The following DPH6 variants were observed in gnomAD, a reference collection of about 807,000 sequenced individuals.
DPH6 encodes the protein diphthamine biosynthesis 6.
A neutral mutation model predicts 38.2 loss-of-function variants in DPH6; 33 were observed. That is an observed-to-expected ratio of 0.86 (90% CI 0.65 to 1.15). DPH6 has a LOEUF of 1.15. Ranked by LOEUF, DPH6 falls within the 50% of genes most tolerant of loss-of-function variation. DPH6 has a pLI of 0.00. For synonymous variants in DPH6, 108 were observed against 103.0 expected (o/e 1.05, Z -0.30); for missense variants, 325 against 320.0 (o/e 1.02, Z -0.12).
chr15:35,160,627 C>T, the DPH6 span, among the ~76,000 whole-genome samples: 1 of 151,658 alleles, frequency 6.6e-6, no homozygotes, highest in Non-Finnish European at 1.5e-5. Flanking sequence ...TCAAGTAGGC[C>T]CCCGGGTCTA....
intron 3 of DPH6, among the ~76,000 whole-genome samples, chr15:35,483,298 T>C (rs2054352470): frequency 6.6e-6 from 1 of 151,966 alleles, no homozygotes; most frequent in South Asian, 2.1e-4. Flanking sequence ...ACCCCGTCTC[T>C]ACTAAAAATA....
At chr15:35,283,008 TTCTTCC>T (rs1278947550) in intron 3 of DPH6, 10 of 234,858 alleles carry the variant, frequency 4.3e-5, no homozygotes, top group East Asian at 1.1e-4. Flanking sequence ...CATCTTCTTC[TTCTTCC>T]TCTTCCTCTT....
intron 3 of DPH6, among the ~76,000 whole-genome samples, chr15:35,322,671 T>C (rs1320526091): frequency 6.6e-6 from 1 of 152,216 alleles, no homozygotes; most frequent in Non-Finnish European, 1.5e-5. Flanking sequence ...TGAATAATCA[T>C]ATATTTTTAA....
intron 3 of DPH6, among the ~76,000 whole-genome samples, chr15:35,472,584 A>T (rs2054211894): frequency 6.6e-6 from 1 of 152,186 alleles, no homozygotes; most frequent in Middle Eastern, 3.2e-3. Flanking sequence ...GCAAGGGGCT[A>T]ACAATGAGTA....
At chr15:35,526,357 T>C (rs2141247402) in intron 3 of DPH6, among the ~76,000 whole-genome samples, 1 of 152,278 alleles carries the variant, frequency 6.6e-6, no homozygotes. Flanking sequence ...CCTTTTCTGA[T>C]TGTCAATGTC....
At chr15:35,260,341 C>T (rs2051738148) in intron 3 of DPH6, among the ~76,000 whole-genome samples, 1 of 152,022 alleles carries the variant, frequency 6.6e-6, no homozygotes, top group African/African-American at 2.4e-5. Context: ...CTCCTGACCT[C>T]GTGATCCACC....
At chr15:35,340,191 G>T (rs1265504060) in intron 3 of DPH6, among the ~76,000 whole-genome samples, 1 of 152,092 alleles carries the variant, frequency 6.6e-6, no homozygotes, top group Non-Finnish European at 1.5e-5. Flanking sequence ...TAGAAACTAG[G>T]ATTGCAACCC....
chr15:35,435,785 T>C (rs1179274385), intron 5 of DPH6, among the ~76,000 whole-genome samples: 1 of 151,638 alleles, frequency 6.6e-6, no homozygotes, highest in East Asian at 1.9e-4. Context: ...GAGGGGTGAG[T>C]AAAATGTGGA....
At chr15:35,158,622 G>A in the DPH6 span, among the ~76,000 whole-genome samples, 3 of 151,900 alleles carry the variant, frequency 2.0e-5, no homozygotes, top group Non-Finnish European at 4.4e-5. Context: ...TAAATAAGTG[G>A]GAGATAGAAC....
At chr15:35,535,127 T>A (rs1394430699) in intron 3 of DPH6, among the ~76,000 whole-genome samples, 1 of 152,136 alleles carries the variant, frequency 6.6e-6, no homozygotes, top group Non-Finnish European at 1.5e-5. Context: ...AGGGAAGCGA[T>A]GCAGGAGAAA....
At chr15:35,463,945 G>C (rs548509269) in intron 3 of DPH6, among the ~76,000 whole-genome samples, 1 of 152,266 alleles carries the variant, frequency 6.6e-6, no homozygotes, top group Non-Finnish European at 1.5e-5. Context: ...CACAGTCGAT[G>C]TTCTTAAAAA....
chr15:35,255,407 A>G (rs1348715398), intron 3 of DPH6, among the ~76,000 whole-genome samples: 1 of 152,204 alleles, frequency 6.6e-6, no homozygotes, highest in Non-Finnish European at 1.5e-5. Flanking sequence ...ACTATTTCTA[A>G]CCAAAGTCTC....
At chr15:35,356,839 G>A (rs2052565169) in intron 3 of DPH6, among the ~76,000 whole-genome samples, 1 of 152,186 alleles carries the variant, frequency 6.6e-6, no homozygotes, top group Non-Finnish European at 1.5e-5. Context: ...AAACTGCAGA[G>A]GTTTCTGCTG....
intron 3 of DPH6, among the ~76,000 whole-genome samples, chr15:35,336,774 C>T (rs1049233051): frequency 4.6e-5 from 7 of 152,168 alleles, no homozygotes; most frequent in African/African-American, 1.7e-4. Flanking sequence ...ATTGAAACAG[C>T]CTTGCATCCC....
intron 6 of DPH6, among the ~76,000 whole-genome samples, chr15:35,391,808 G>A (rs1008577292): frequency 3.3e-5 from 5 of 152,148 alleles, no homozygotes; most frequent in South Asian, 2.1e-4. Flanking sequence ...GTGATGCCTC[G>A]CCCTGCTTTG....
At chr15:35,279,068 A>AACATATATATAT (rs1555390826) in intron 3 of DPH6, among the ~76,000 whole-genome samples, 1 of 102,992 alleles carries the variant, frequency 9.7e-6, no homozygotes, top group African/African-American at 4.8e-5. Flanking sequence ...AAAAAAAAAA[A>AACATATATATAT]ATATATATAT....
intron 5 of DPH6, among the ~76,000 whole-genome samples, chr15:35,421,220 C>T (rs1450872806): frequency 6.6e-6 from 1 of 152,060 alleles, no homozygotes; most frequent in Non-Finnish European, 1.5e-5. Context: ...ATTTAAAGAG[C>T]TAATAGCAAT....
chr15:35,423,175 C>T (rs1027898343), intron 5 of DPH6, among the ~76,000 whole-genome samples: 6 of 151,866 alleles, frequency 4.0e-5, no homozygotes, highest in Admixed American at 1.3e-4. Flanking sequence ...TACATTCCCA[C>T]CAACAGTATA....
chr15:35,391,624 C>T (rs374188938), intron 6 of DPH6, among the ~76,000 whole-genome samples: 2 of 152,208 alleles, frequency 1.3e-5, no homozygotes, highest in Non-Finnish European at 2.9e-5. Context: ...GCTCCGTGGG[C>T]GTAGGACCCT....
Sources: gnomAD v4.1 joint callset for allele counts (sites outside exome capture counted in the v4.1 genomes callset) on GRCh38, gnomAD v4.1.1 for gene constraint, MANE v1.5 for transcripts, NCBI Gene and HGNC (gene_info 2026-07-23, HGNC 2026-07-21) for gene names.